ZSCAN18: variants seen among roughly 807,000 people sequenced by gnomAD.
The protein encoded by ZSCAN18 is zinc finger and SCAN domain containing 18, also known as zinc finger and SCAN domain-containing protein 18.
A neutral mutation model predicts 31.1 loss-of-function variants in ZSCAN18; 16 were observed. The ratio of observed to expected loss-of-function variants is 0.51; its 90% CI spans 0.35 to 0.78. The LOEUF (loss-of-function observed/expected upper bound fraction) is 0.78. Ranked by LOEUF, ZSCAN18 falls within the 30% of genes least tolerant of loss-of-function variation. ZSCAN18 has a pLI of 0.01. For synonymous variants in ZSCAN18, 375 were observed against 320.7 expected (o/e 1.17, Z -1.81); for missense variants, 731 against 697.4 (o/e 1.05, Z -0.54).
chr19:58,112,885 AAG>A lies in ZSCAN18; in HGVS notation c.130+5380_130+5381del, dbSNP rs2074697093. Among the ~76,000 whole-genome samples, 3 of 144,198 alleles carry A rather than the reference AAG, an allele frequency of 2.1e-5. No individual in the cohort carries two copies. In the South Asian group the frequency reaches 6.9e-4, roughly 33 times the overall value. 94.6% of individuals were successfully genotyped at this position (144,198 alleles called of 152,430 possible). A position where few individuals can be genotyped will look rare whatever the true frequency, so the allele number is the denominator to read the frequency against. ...GGAATCACTTGAACCTGGGAGGCAG[AAG>A]GTGCAGTGAACCAAAATCACACCAC... is the stretch of plus-strand genomic sequence containing the variant. On this transcript the variant is annotated intron_variant, in intron 1 of 1. Transcript: ENST00000595721.
intron 1 of ZSCAN18, among the ~76,000 whole-genome samples, chr19:58,113,306 ACT>A (rs2074702874): frequency 6.6e-6 from 1 of 151,058 alleles, no homozygotes; most frequent in South Asian, 2.1e-4. Context: ...ACAAAGCAAG[ACT>A]CTGTCTCCAA....
At chr19:58,106,769 GT>G (rs1411105244) in intron 1 of ZSCAN18, among the ~76,000 whole-genome samples, 3 of 10,578 alleles carry the variant, frequency 2.8e-4, no homozygotes, top group South Asian at 3.2e-3. Context: ...TTGTTTTTTT[GT>G]TTTTTTTTGA....
intron 1 of ZSCAN18, chr19:58,107,724 T>A: frequency 2.0e-6 from 2 of 989,606 alleles, no homozygotes; most frequent in Non-Finnish European, 2.4e-6. Flanking sequence ...GAAAATCAGA[T>A]CAGTCACTGC....
chr19:58,088,661 A>G (rs772163950), intron 3 of ZSCAN18, 27 bp downstream of exon 3: 1 of 1,601,042 alleles, frequency 6.2e-7, no homozygotes, highest in Non-Finnish European at 8.5e-7. Context: ...GGCCCAGCAG[A>G]GGCTGCCAGG....
In ZSCAN18 at chr19:58,093,492, CCT is replaced by C. The variant is rs1284900748; in HGVS notation, c.-119-3108_-119-3107del. 3.3e-5 allele frequency: 5 copies of C among 152,386 alleles called. No homozygotes were observed. In the East Asian group the frequency reaches 7.7e-4, roughly 24 times the overall value. 9.4% of individuals were successfully genotyped at this position (152,386 alleles called of 1,614,324 possible). ...CTTATGGCAGCCCCCACCGGGGTGC[CCT>C]CTCTCCTCACACACTCCACCTGCTG... On this transcript the variant is annotated intron_variant, in intron 1 of 6. Coordinates refer to ENST00000601144, the MANE Select transcript of ZSCAN18 (RefSeq NM_001145543.2).
At chr19:58,107,795 G>A (rs556800755) in intron 1 of ZSCAN18, 58 of 993,126 alleles carry the variant, frequency 5.8e-5, no homozygotes, top group East Asian at 1.0e-4. Flanking sequence ...GGTTTCTAGC[G>A]AGAGCACAGA....
chr19:58,091,037 A>C (rs983536507), intron 1 of ZSCAN18, among the ~76,000 whole-genome samples: 3 of 151,568 alleles, frequency 2.0e-5, no homozygotes, highest in Non-Finnish European at 4.4e-5. Context: ...TGGAAGGCTG[A>C]GATGGGTGGA....
chr19:58,085,601 G>A (rs983288188), intron 6 of ZSCAN18: 1 of 537,588 alleles, frequency 1.9e-6, no homozygotes, highest in Non-Finnish European at 3.2e-6. Context: ...CTCCAACAAC[G>A]GAGGCCACCG....
At chr19:58,096,919 A>G (rs571532738) in intron 1 of ZSCAN18, among the ~76,000 whole-genome samples, 6 of 152,338 alleles carry the variant, frequency 3.9e-5, no homozygotes, top group South Asian at 4.1e-4. Context: ...CAGGACAGAC[A>G]GAACCAGAGA....
At chr19:58,092,161 T>C (rs2074425799) in intron 1 of ZSCAN18, among the ~76,000 whole-genome samples, 1 of 152,152 alleles carries the variant, frequency 6.6e-6, no homozygotes, top group African/African-American at 2.4e-5. Context: ...CTTCTTTGGT[T>C]GGTGAAAATG....
In ZSCAN18 at chr19:58,088,723, A is replaced by C. The variant is rs767986520; in HGVS notation, c.518T>G (p.Leu173Arg). 1 of 1,611,742 alleles carries C rather than the reference A, an allele frequency of 6.2e-7. No individual in the cohort carries two copies. Among genetic ancestry groups the C allele is most frequent in the South Asian group, 1.1e-5 (1 of 91,078 alleles). The change falls in exon 3 of 7, where the codon CTT becomes CGT. Residue 173 changes from leucine to arginine, a missense_variant. Transcript: ENST00000601144. ...AGGTGCCGGGATCTCCCCAGCTCCA[A>C]GGGCCTGGCTGGGGCTCGCGAGCTC... ...PGELASPSQALGAGEIPAPSE... is the reference protein window; with the variant it reads ...PGELASPSQARGAGEIPAPSE...
At chr19:58,099,634 T>C (rs56273550), upstream of ZSCAN18, among the ~76,000 whole-genome samples, 3,183 of 152,314 alleles carry the variant, frequency 0.021, 52 homozygotes, top group Non-Finnish European at 0.031. Flanking sequence ...GGTCACACAA[T>C]GAACACGTGC....
chr19:58,084,862 G>T lies in ZSCAN18; in HGVS notation c.1356C>A (p.Phe452Leu), dbSNP rs1390987748. The T allele has an allele frequency of 1.2e-6, 2 of 1,600,454 alleles. No homozygotes were observed. Among genetic ancestry groups the T allele is most frequent in the South Asian group, 2.2e-5 (2 of 89,166 alleles). The change falls in exon 7 of 7, where the codon TTC becomes TTA. Residue 452 changes from phenylalanine (F) to leucine (L), a missense_variant. Phe to Leu is a conservative substitution (Grantham distance 22). Around this residue, in one of 4 missense-constraint regions of ZSCAN18, gnomAD observed 597 missense variants for 499.5 expected, o/e 1.20. Coordinates refer to ENST00000601144, the MANE Select transcript of ZSCAN18 (RefSeq NM_001145543.2). This position sits in a 1 kb window ranked among gnomAD's most constrained non-coding sequence, Gnocchi z 4.5. ...TCTGGTGCTCGGCTAGGGCCAGGCT[G>T]AAGTGGAAGGTCTTCCAGCAGCCCT... is the stretch of plus-strand genomic sequence containing the variant. Reference protein sequence around the residue: ...ACQGCWKTFHFSLALAEHQKT... With the variant: ...ACQGCWKTFHLSLALAEHQKT...
At chr19:58,094,768 C>T (rs71355830) in intron 1 of ZSCAN18, among the ~76,000 whole-genome samples, 1 of 149,666 alleles carries the variant, frequency 6.7e-6, no homozygotes, top group Non-Finnish European at 1.5e-5. Flanking sequence ...GTCCCAGCTA[C>T]TCTGGAGACT....
Position 58,108,389 on chromosome 19 carries a change from G to C in ZSCAN18, c.130+9878C>G, listed in dbSNP as rs566522836. On this transcript the variant is annotated intron_variant, in intron 1 of 1. Transcript: ENST00000595721. ...TTCTGAAATGCAAAACAAGGGAAGA[G>C]TGGCAGCTGAAGGTCTTCCCATACC... 1.0e-4 allele frequency: 100 copies of C among 985,482 alleles called. 1 individual carries two copies. In the African/African-American group the frequency reaches 1.6e-3, roughly 16 times the overall value. 61.0% of individuals were successfully genotyped at this position (985,482 alleles called of 1,614,324 possible).
intron 6 of ZSCAN18, 148 bp downstream of exon 6, chr19:58,086,026 G>T: frequency 1.5e-6 from 1 of 659,858 alleles, no homozygotes; most frequent in Non-Finnish European, 2.7e-6. Flanking sequence ...CTGGATTCCT[G>T]CCTCACTCAG....
chr19:58,116,366 ATGC>A (rs2074730130), intron 1 of ZSCAN18, among the ~76,000 whole-genome samples: 1 of 151,428 alleles, frequency 6.6e-6, no homozygotes, highest in Admixed American at 6.6e-5. Context: ...CACGTACTGT[ATGC>A]CAGGACCTGT....
intron 1 of ZSCAN18, among the ~76,000 whole-genome samples, chr19:58,110,520 G>A (rs754691586): frequency 5.3e-5 from 8 of 152,136 alleles, no homozygotes; most frequent in Non-Finnish European, 8.8e-5. Context: ...GGCCCATGCT[G>A]CTTCTCCCTG....
intron 1 of ZSCAN18, 199 bp downstream of exon 1, chr19:58,097,975 G>C: frequency 3.0e-6 from 3 of 985,408 alleles, no homozygotes; most frequent in Non-Finnish European, 3.6e-6. Context: ...CCACCTCCGG[G>C]GGGACCCGGC....
Sources: allele counts gnomAD v4.1 joint callset (sites outside exome capture counted in the v4.1 genomes callset), GRCh38; gene constraint gnomAD v4.1.1; regional missense constraint gnomAD v4.1.1; non-coding constraint Gnocchi (gnomAD v3.1); transcripts MANE v1.5; gene names NCBI Gene and HGNC (gene_info 2026-07-23, HGNC 2026-07-21).